KIFAP3: variants seen among roughly 807,000 people sequenced by gnomAD.
KIFAP3 encodes kinesin-associated protein 3.
A neutral mutation model predicts 106.5 loss-of-function variants in KIFAP3; 68 were observed. The ratio of observed to expected loss-of-function variants is 0.64; its 90% CI spans 0.53 to 0.78. KIFAP3 has a LOEUF of 0.78. Among genes scored for constraint, KIFAP3 ranks in the 30% least tolerant of loss-of-function variants. The pLI, the probability that KIFAP3 is intolerant of heterozygous loss-of-function variation, is 0.00. For synonymous variants in KIFAP3, 320 were observed against 311.5 expected, an observed-to-expected ratio of 1.03 and a Z score of -0.29; for missense variants, 780 against 941.8, an observed-to-expected ratio of 0.83 and a Z score of 2.25.
chr1:169,954,232 T>C (rs918521669), intron 18 of KIFAP3, 122 bp from the exon 19 acceptor site: 11 of 644,902 alleles, frequency 1.7e-5, no homozygotes, highest in Non-Finnish European at 3.0e-5. Context: ...TAGCATGACA[T>C]GCTGTTCTCT....
chr1:170,006,464 G>A (rs545203114), intron 10 of KIFAP3, among the ~76,000 whole-genome samples: 1 of 152,258 alleles, frequency 6.6e-6, no homozygotes, highest in Admixed American at 6.5e-5. Flanking sequence ...GGCCTGGAGG[G>A]TGGATAGGGG....
chr1:170,053,945 T>C (rs1364979341), intron 2 of KIFAP3, among the ~76,000 whole-genome samples: 1 of 152,270 alleles, frequency 6.6e-6, no homozygotes, highest in East Asian at 1.9e-4. Flanking sequence ...AAGGACTTCA[T>C]GACTAAAACA....
intron 10 of KIFAP3, among the ~76,000 whole-genome samples, chr1:170,013,120 C>G (rs1668325578): frequency 6.6e-6 from 1 of 152,084 alleles, no homozygotes; most frequent in Non-Finnish European, 1.5e-5. Context: ...AACCGGGAAG[C>G]AGGCCATCCC....
chr1:169,984,787 T>C (rs1242304479), intron 11 of KIFAP3, 97 bp from the exon 12 acceptor site: 3 of 617,292 alleles, frequency 4.9e-6, no homozygotes, highest in East Asian at 2.7e-5. Flanking sequence ...TCTTAGATTG[T>C]ACATTGGGCA....
chr1:170,015,006 T>C (rs544871984), intron 10 of KIFAP3, among the ~76,000 whole-genome samples: 1 of 152,114 alleles, frequency 6.6e-6, no homozygotes, highest in South Asian at 2.1e-4. Flanking sequence ...ACAGTCACAG[T>C]TCTAATAAAA....
chr1:170,075,710 T>C (rs1386602374), upstream of KIFAP3, among the ~76,000 whole-genome samples: 1 of 152,246 alleles, frequency 6.6e-6, no homozygotes, highest in Non-Finnish European at 1.5e-5. Context: ...AGTCATTCTT[T>C]CATTCTGAAA....
At chr1:170,035,429 T>C in intron 6 of KIFAP3, 25 bp downstream of exon 6, 1 of 1,448,276 alleles carries the variant, frequency 6.9e-7, no homozygotes, top group Non-Finnish European at 9.5e-7. Context: ...CAGTAGCCTT[T>C]TTATTTAATA....
intron 1 of KIFAP3, among the ~76,000 whole-genome samples, chr1:170,065,055 TG>T (rs1671366432): frequency 6.6e-6 from 1 of 152,244 alleles, no homozygotes; most frequent in African/African-American, 2.4e-5. Flanking sequence ...TGGAAGCATC[TG>T]TTTCCCAAAA....
intron 9 of KIFAP3, among the ~76,000 whole-genome samples, chr1:170,017,255 CAAAAAAAAAAAA>C (rs11417586): frequency 1.4e-5 from 1 of 70,136 alleles, no homozygotes. Flanking sequence ...GAGACTGTCT[CAAAAAAAAAAAA>C]AAAAAAAAAA....
intron 3 of KIFAP3, among the ~76,000 whole-genome samples, chr1:170,046,450 T>C (rs1670261681): frequency 6.6e-6 from 1 of 152,194 alleles, no homozygotes; most frequent in Admixed American, 6.5e-5. Context: ...TTTCCTTTTT[T>C]ATTCTTACTT....
At chr1:170,077,280 T>G (rs1056501613), upstream of KIFAP3, among the ~76,000 whole-genome samples, 3 of 152,232 alleles carry the variant, frequency 2.0e-5, no homozygotes, top group Admixed American at 6.5e-5. Context: ...AGGCACATAC[T>G]CTAAATCTCA....
chr1:170,010,712 G>C (rs1257448008), intron 10 of KIFAP3, among the ~76,000 whole-genome samples: 1 of 151,928 alleles, frequency 6.6e-6, no homozygotes, highest in Non-Finnish European at 1.5e-5. Context: ...AGATTTATTA[G>C]AGCATGAAAG....
At chr1:170,070,758 A>G (rs748149908) in intron 1 of KIFAP3, among the ~76,000 whole-genome samples, 53 of 152,228 alleles carry the variant, frequency 3.5e-4, no homozygotes, top group Non-Finnish European at 6.5e-4. Context: ...CCTTGGATTT[A>G]GCAGTGGTTT....
At chr1:169,977,913 T>C (rs1666312836) in intron 16 of KIFAP3, among the ~76,000 whole-genome samples, 172 bp downstream of exon 16, 1 of 151,860 alleles carries the variant, frequency 6.6e-6, no homozygotes, top group South Asian at 2.1e-4. Context: ...TCTACCTATA[T>C]ACTGATTTGG....
upstream of KIFAP3, among the ~76,000 whole-genome samples, chr1:170,075,194 G>C (rs1671874643): frequency 6.6e-6 from 1 of 152,146 alleles, no homozygotes; most frequent in African/African-American, 2.4e-5. Flanking sequence ...CAATTATCCT[G>C]AACTCAAGGT....
chr1:169,988,352 T>C (rs887333896), intron 11 of KIFAP3, among the ~76,000 whole-genome samples: 1 of 152,066 alleles, frequency 6.6e-6, no homozygotes, highest in African/African-American at 2.4e-5. Flanking sequence ...ATGTAATTAA[T>C]GAAGATGACT....
At chr1:169,997,281 G>A (rs1048931016) in intron 10 of KIFAP3, among the ~76,000 whole-genome samples, 20 of 152,012 alleles carry the variant, frequency 1.3e-4, no homozygotes, top group African/African-American at 4.8e-4. Flanking sequence ...AGAGAATCCT[G>A]GTAAAGCAAT....
At chr1:170,060,474 A>G (rs12036604) in intron 1 of KIFAP3, among the ~76,000 whole-genome samples, 2,397 of 152,322 alleles carry the variant, frequency 0.016, 46 homozygotes, top group South Asian at 0.079. Flanking sequence ...GGACCTCTTC[A>G]AGGAGAACTA....
exon 1 of KIFAP3, chr1:170,085,074 G>A (rs1672081566): frequency 6.6e-6 from 1 of 152,170 alleles, no homozygotes; most frequent in South Asian, 2.1e-4. Flanking sequence ...TGGCCAGTGG[G>A]GCCCAAGGAG....
Sources: gnomAD v4.1 joint callset for allele counts (sites outside exome capture counted in the v4.1 genomes callset) on GRCh38, gnomAD v4.1.1 for gene constraint, MANE v1.5 for transcripts, NCBI Gene and HGNC (gene_info 2026-07-23, HGNC 2026-07-21) for gene names.